Variants in BTBD9 observed in about 807,000 individuals in gnomAD.
BTBD9 encodes the protein BTB/POZ domain-containing protein 9.
A neutral mutation model predicts 64.3 loss-of-function variants in BTBD9; 49 were observed. The observed-to-expected ratio is 0.76, with a 90% CI of 0.61 to 0.97. The LOEUF is 0.97. BTBD9 is among the 50% of genes least tolerant of loss of function. The pLI is 0.00. For synonymous variants in BTBD9, 260 were observed against 274.7 expected, an observed-to-expected ratio of 0.95 and a Z score of 0.53; for missense variants, 598 against 762.1, an observed-to-expected ratio of 0.78 and a Z score of 2.53.
chr6:38,506,546 A>G (rs114538894), intron 6 of BTBD9, among the ~76,000 whole-genome samples: 5,168 of 152,304 alleles, frequency 0.034, 111 homozygotes, highest in Middle Eastern at 0.071. Flanking sequence ...TTCAAAAGTC[A>G]AAGAGTTTCC....
chr6:38,194,891 T>C (rs1413079437), intron 9 of BTBD9, among the ~76,000 whole-genome samples: 1 of 150,640 alleles, frequency 6.6e-6, no homozygotes. Flanking sequence ...AGGGCAGCAG[T>C]CTGAGCGGGA....
Position 38,394,312 on chromosome 6 carries a change from G to T in BTBD9, c.1155-49219C>A, listed in dbSNP as rs940117257. 2.6e-5 allele frequency among the ~76,000 whole-genome samples: 4 copies of T among 152,148 alleles called. No individual in the cohort carries two copies. In the South Asian group the frequency reaches 8.3e-4, roughly 32 times the overall value. On this transcript the variant is annotated intron_variant, in intron 6 of 10. Transcript: ENST00000481247. ...TTGGTGCTGATGGTGGTGATAGGGT[G>T]GGGGCTGTCCTGGTAAAAAGAATGC...
chr6:38,288,316 C>T lies in BTBD9; in HGVS notation c.1410G>A (p.Ala470=), dbSNP rs368344003. The T allele has an allele frequency of 3.4e-5, 55 of 1,614,120 alleles. No homozygotes were observed. The highest frequency in any genetic ancestry group is 1.6e-4 in the African/African-American group (12 of 75,040). The change falls in exon 8 of 11, where the codon GCG becomes GCA. Residue 470 remains alanine, a synonymous_variant. Coordinates refer to ENST00000481247, the MANE Select transcript of BTBD9 (RefSeq NM_001099272.2). ...GYTCHQLGSG[A]IVVQLAQPYM... ...ACGGTTGTGCCAACTGAACCACAAT[C>T]GCACCACTTCCTAGCTGGTGACATG...
At chr6:38,581,782 G>T (rs1461272495) in intron 4 of BTBD9, among the ~76,000 whole-genome samples, 1 of 152,060 alleles carries the variant, frequency 6.6e-6, no homozygotes, top group Non-Finnish European at 1.5e-5. Context: ...TATCCCCCAG[G>T]TGTTTCTGTT....
chr6:38,468,816 A>G (rs549027850), intron 6 of BTBD9, among the ~76,000 whole-genome samples: 6 of 152,284 alleles, frequency 3.9e-5, no homozygotes, highest in African/African-American at 1.2e-4. Context: ...TAATAAAATA[A>G]CATTTACAGA....
At chr6:38,627,848 T>C (rs1778223745) in intron 1 of BTBD9, among the ~76,000 whole-genome samples, 1 of 152,162 alleles carries the variant, frequency 6.6e-6, no homozygotes, top group Admixed American at 6.5e-5. Flanking sequence ...GCATGAGTAT[T>C]AGCAGGCTTG....
intron 6 of BTBD9, among the ~76,000 whole-genome samples, chr6:38,535,100 T>A (rs920730711): frequency 2.0e-5 from 3 of 152,132 alleles, no homozygotes; most frequent in African/African-American, 7.2e-5. Context: ...GAGGATATGA[T>A]CTTACATTTG....
chr6:38,561,605 T>C (rs1351136195), intron 6 of BTBD9, among the ~76,000 whole-genome samples: 1 of 152,118 alleles, frequency 6.6e-6, no homozygotes, highest in Non-Finnish European at 1.5e-5. Context: ...CATGGAATAA[T>C]GCACAGCCAT....
chr6:38,370,844 G>A (rs1765389542), intron 6 of BTBD9, among the ~76,000 whole-genome samples: 1 of 152,214 alleles, frequency 6.6e-6, no homozygotes, highest in Non-Finnish European at 1.5e-5. Context: ...TTTCCCTGGA[G>A]ATGTCTGCAA....
At chr6:38,272,583 T>C (rs1165421846) in intron 8 of BTBD9, among the ~76,000 whole-genome samples, 6 of 152,120 alleles carry the variant, frequency 3.9e-5, no homozygotes, top group Non-Finnish European at 5.9e-5. Flanking sequence ...TCTCCATGAA[T>C]TTTCTGCTTG....
At chr6:38,463,654 G>A (rs537947404) in intron 6 of BTBD9, among the ~76,000 whole-genome samples, 11 of 152,324 alleles carry the variant, frequency 7.2e-5, no homozygotes, top group African/African-American at 2.6e-4. Flanking sequence ...AAGCTCAACT[G>A]TGTTCCTTCT....
chr6:38,619,544 C>CCCAGAGAA (rs1777915666), intron 1 of BTBD9, among the ~76,000 whole-genome samples: 1 of 152,166 alleles, frequency 6.6e-6, no homozygotes, highest in African/African-American at 2.4e-5. Context: ...GGCACACTGC[C>CCCAGAGAA]CCAGAGGACA....
chr6:38,238,507 C>T (rs1763873564), intron 9 of BTBD9, among the ~76,000 whole-genome samples: 1 of 137,704 alleles, frequency 7.3e-6, no homozygotes, highest in South Asian at 2.3e-4. Context: ...GAGTCTCGCT[C>T]TGTCGCCCAG....
chr6:38,306,940 G>A (rs1342449591), intron 7 of BTBD9, among the ~76,000 whole-genome samples: 2 of 152,234 alleles, frequency 1.3e-5, no homozygotes, highest in Non-Finnish European at 2.9e-5. Context: ...CAGCACAGTG[G>A]TTCATGCAGC....
chr6:38,413,761 A>G (rs1273948518), intron 6 of BTBD9, among the ~76,000 whole-genome samples: 1 of 151,926 alleles, frequency 6.6e-6, no homozygotes, highest in Non-Finnish European at 1.5e-5. Flanking sequence ...CACAACTACT[A>G]TTTTTTTTAA....
chr6:38,543,894 T>G (rs187390792), intron 6 of BTBD9, among the ~76,000 whole-genome samples: 137 of 151,598 alleles, frequency 9.0e-4, no homozygotes, highest in African/African-American at 3.1e-3. Flanking sequence ...GAGGCGGAGC[T>G]TGCAGTGAGC....
intron 8 of BTBD9, among the ~76,000 whole-genome samples, chr6:38,283,990 C>G (rs565566852): frequency 1.3e-5 from 2 of 152,184 alleles, no homozygotes; most frequent in Non-Finnish European, 2.9e-5. Context: ...CATCAACTGT[C>G]GCTAACTGAA....
chr6:38,414,151 C>T (rs916478752), intron 6 of BTBD9, among the ~76,000 whole-genome samples: 2 of 152,178 alleles, frequency 1.3e-5, no homozygotes, highest in African/African-American at 4.8e-5. Context: ...AGAGACTGAA[C>T]TGACAAAATT....
At chr6:38,260,799 T>C (rs900799220) in intron 8 of BTBD9, among the ~76,000 whole-genome samples, 1 of 152,240 alleles carries the variant, frequency 6.6e-6, no homozygotes, top group Admixed American at 6.5e-5. Context: ...ATTATGAATA[T>C]CTTTTTGTAA....
Sources: allele counts gnomAD v4.1 joint callset (sites outside exome capture counted in the v4.1 genomes callset), GRCh38; gene constraint gnomAD v4.1.1; transcripts MANE v1.5; gene names NCBI Gene and HGNC (gene_info 2026-07-23, HGNC 2026-07-21).